The following BCL2 variants were observed in gnomAD, a reference collection of about 807,000 sequenced individuals.
BCL2 encodes BCL2 apoptosis regulator, also known as apoptosis regulator Bcl-2.
A neutral mutation model predicts 14.2 loss-of-function variants in BCL2; 1 was observed. That is an observed-to-expected ratio of 0.07 (90% confidence interval 0.02 to 0.33). The LOEUF (loss-of-function observed/expected upper bound fraction) is 0.33. Among genes scored for constraint, BCL2 ranks in the 10% least tolerant of loss-of-function variants. The probability of loss-of-function intolerance (pLI) is 0.99; values close to 1 mark genes in which losing one functional copy is unlikely to be tolerated. For synonymous variants in BCL2, 151 were observed against 137.2 expected (o/e 1.10, Z -0.70); for missense variants, 247 against 305.9 (o/e 0.81, Z 1.44).
chr18:63,314,935 T>G (rs12455492), intron 2 of BCL2: 15,921 of 152,224 alleles, frequency 0.1, 963 homozygotes, highest in East Asian at 0.27. Flanking sequence ...ATCCAATTTA[T>G]GTCTTCCTAA....
rs139871970 is a variant in BCL2 at position 63,249,083 on chromosome 18, G to A, written c.585+68999C>T. Among the ~76,000 whole-genome samples the A allele has an allele frequency of 7.3e-4, 111 of 152,294 alleles. 1 individual carries two copies. The highest frequency in any genetic ancestry group is 2.5e-3 in the African/African-American group (103 of 41,560). On this transcript the variant is annotated intron_variant, in intron 2 of 2. Coordinates refer to ENST00000333681, the MANE Select transcript of BCL2 (RefSeq NM_000633.3). ...ATGGGCATATTAAAGAATCAGAGAA[G>A]TCCTGCAGGAAAGAAACCTGGTGAA...
chr18:63,199,016 GAC>G (rs1259160611), intron 2 of BCL2, among the ~76,000 whole-genome samples: 3 of 143,868 alleles, frequency 2.1e-5, no homozygotes, highest in Non-Finnish European at 3.0e-5. Context: ...GACACACACA[GAC>G]ACACACTGAC....
At chr18:63,169,403 T>TCC (rs1915167208) in intron 2 of BCL2, among the ~76,000 whole-genome samples, 3 of 102,506 alleles carry the variant, frequency 2.9e-5, no homozygotes, top group Non-Finnish European at 5.4e-5. Context: ...CTTTCTTTCT[T>TCC]TTTCTTTCTC....
At chr18:63,186,926 C>T (rs906316258) in intron 2 of BCL2, among the ~76,000 whole-genome samples, 1 of 152,194 alleles carries the variant, frequency 6.6e-6, no homozygotes, top group Admixed American at 6.5e-5. Context: ...ATAAAAATAG[C>T]CAACTGCTTA....
chr18:63,180,657 G>A (rs1003271634), intron 2 of BCL2, among the ~76,000 whole-genome samples: 3 of 152,206 alleles, frequency 2.0e-5, no homozygotes, highest in African/African-American at 7.2e-5. Context: ...GAAGCAGGGG[G>A]AACTGAAGCT....
intron 2 of BCL2, among the ~76,000 whole-genome samples, chr18:63,144,173 T>G (rs190024334): frequency 2.6e-4 from 39 of 152,350 alleles, no homozygotes; most frequent in African/African-American, 9.1e-4. Context: ...TAGCTCGTTT[T>G]AGCTCTTTCT....
At chr18:63,214,608 AC>A (rs1302074841) in intron 2 of BCL2, among the ~76,000 whole-genome samples, 6 of 151,416 alleles carry the variant, frequency 4.0e-5, no homozygotes, top group Non-Finnish European at 8.8e-5. Flanking sequence ...TAGCTGCCAC[AC>A]TAATCAAAAA....
chr18:63,292,222 CAAAAAA>C (rs749093257), intron 2 of BCL2, among the ~76,000 whole-genome samples: 1 of 56,452 alleles, frequency 1.8e-5, no homozygotes, highest in Non-Finnish European at 4.0e-5. Context: ...AACCCCAGTG[CAAAAAA>C]AAAAAAAAAA....
At chr18:63,222,848 T>C (rs533603628) in intron 2 of BCL2, among the ~76,000 whole-genome samples, 1 of 152,364 alleles carries the variant, frequency 6.6e-6, no homozygotes, top group South Asian at 2.1e-4. Context: ...TGGCAATCCA[T>C]GACCCTTTTA....
At chr18:63,283,902 A>G (rs1292116886) in intron 2 of BCL2, among the ~76,000 whole-genome samples, 2 of 152,210 alleles carry the variant, frequency 1.3e-5, no homozygotes, top group African/African-American at 4.8e-5. Flanking sequence ...AGGTAGATCA[A>G]GAGCACTTTT....
chr18:63,190,469 A>G (rs1215005202), intron 2 of BCL2, among the ~76,000 whole-genome samples: 1 of 152,266 alleles, frequency 6.6e-6, no homozygotes, highest in Non-Finnish European at 1.5e-5. Context: ...GGAATGTCCC[A>G]TGAAGTATCA....
intron 2 of BCL2, among the ~76,000 whole-genome samples, chr18:63,159,901 C>T (rs8094651): frequency 1.3e-5 from 2 of 152,076 alleles, no homozygotes; most frequent in African/African-American, 2.4e-5. Flanking sequence ...CAACTCGAAT[C>T]GTTTTCAGCG....
intron 2 of BCL2, among the ~76,000 whole-genome samples, chr18:63,221,577 G>A (rs1423069039): frequency 6.6e-6 from 1 of 152,218 alleles, no homozygotes; most frequent in African/African-American, 2.4e-5. Flanking sequence ...CGAAGCCCTG[G>A]GAATAGTGGT....
intron 2 of BCL2, among the ~76,000 whole-genome samples, chr18:63,224,735 T>G (rs1191575688): frequency 6.6e-6 from 1 of 152,046 alleles, no homozygotes; most frequent in Non-Finnish European, 1.5e-5. Context: ...ATGACGGCAC[T>G]GAAGTGAGAT....
At chr18:63,144,336 A>C (rs1353946299) in intron 2 of BCL2, among the ~76,000 whole-genome samples, 1 of 152,184 alleles carries the variant, frequency 6.6e-6, no homozygotes, top group African/African-American at 2.4e-5. Context: ...GCCAAAGCCC[A>C]TTAAGGTGGC....
chr18:63,158,472 A>C (rs887220317), intron 2 of BCL2, among the ~76,000 whole-genome samples: 13 of 150,960 alleles, frequency 8.6e-5, no homozygotes, highest in Non-Finnish European at 1.5e-4. Context: ...ACCCTCCGAG[A>C]CCCCCAGGCA....
intron 2 of BCL2, among the ~76,000 whole-genome samples, chr18:63,134,039 T>C (rs1413073252): frequency 6.6e-6 from 1 of 152,088 alleles, no homozygotes; most frequent in Non-Finnish European, 1.5e-5. Context: ...AAAACACGAT[T>C]CCACTTCTGT....
chr18:63,268,973 G>A (rs1911922485), intron 2 of BCL2, among the ~76,000 whole-genome samples: 1 of 150,992 alleles, frequency 6.6e-6, no homozygotes, highest in Admixed American at 6.6e-5. Flanking sequence ...TTTAAATACA[G>A]AGTCTTTCTC....
At chr18:63,279,851 A>C (rs1237345792) in intron 2 of BCL2, among the ~76,000 whole-genome samples, 10 of 152,228 alleles carry the variant, frequency 6.6e-5, no homozygotes, top group African/African-American at 1.9e-4. Flanking sequence ...TAACAAGCAC[A>C]ACTAATTTAT....
Sources: allele counts gnomAD v4.1 joint callset (sites outside exome capture counted in the v4.1 genomes callset), GRCh38; gene constraint gnomAD v4.1.1; transcripts MANE v1.5; gene names NCBI Gene and HGNC (gene_info 2026-07-23, HGNC 2026-07-21).